The following RMND1 variants were observed in gnomAD, a reference collection of about 807,000 sequenced individuals.
RMND1 encodes required for meiotic nuclear division protein 1 homolog.
In RMND1, 41 loss-of-function variants were observed where a neutral mutation model predicts 54.0. That is an observed-to-expected ratio of 0.76 (90% CI 0.59 to 0.98). The LOEUF (loss-of-function observed/expected upper bound fraction) is 0.98. RMND1 is among the 50% of genes least tolerant of loss of function. The pLI is 0.00. For missense variants in RMND1, 457 were observed against 532.0 expected (o/e 0.86, Z 1.39); for synonymous variants, 183 against 181.7 (o/e 1.01, Z -0.06).
intron 2 of RMND1, among the ~76,000 whole-genome samples, chr6:151,438,813 A>G (rs373545798): frequency 8.9e-4 from 131 of 147,714 alleles, no homozygotes; most frequent in African/African-American, 3.2e-3. Context: ...TTTTTTTCCA[A>G]AAAAAACCCA....
At chr6:151,423,446 A>G in intron 7 of RMND1, 79 bp downstream of exon 7, 2 of 891,504 alleles carry the variant, frequency 2.2e-6, no homozygotes, top group Non-Finnish European at 3.7e-6. Flanking sequence ...CTGAAAATAT[A>G]CCAAAATCGT....
chr6:151,427,525 G>C lies in RMND1; in HGVS notation c.787C>G (p.Leu263Val). Residue 263 changes from leucine (L) to valine (V), a missense_variant, in exon 6 of 12, where the codon CTG (leucine) becomes GTG (valine). By Grantham distance (32) the Leu-to-Val change is conservative. Coordinates refer to ENST00000444024, the MANE Select transcript of RMND1 (RefSeq NM_017909.4). Reference sequence around the variant, plus strand: ...AGTTCTTCATTTTCCCAGTGTACCAGTGCGATTTCATAGGGCTGAATTTCA... The same window carrying C: ...AGTTCTTCATTTTCCCAGTGTACCACTGCGATTTCATAGGGCTGAATTTCA... ...KHEIQPYEIA[L>V]VHWENEELNY... 6.2e-7 allele frequency: 1 copy of C among 1,612,612 alleles called. No individual in the cohort carries two copies. The highest frequency in any genetic ancestry group is 8.5e-7 in the Non-Finnish European group (1 of 1,178,902).
chr6:151,434,301 A>C (rs1208985317), intron 3 of RMND1, among the ~76,000 whole-genome samples: 2 of 151,334 alleles, frequency 1.3e-5, no homozygotes, highest in Admixed American at 6.6e-5. Context: ...TAATTTGCAA[A>C]AGGTTGTATG....
chr6:151,417,320 C>G lies in RMND1; in HGVS notation c.1159G>C (p.Asp387His), dbSNP rs372096369. 4.9e-5 allele frequency: 79 copies of G among 1,613,628 alleles called. No individual in the cohort carries two copies. The highest frequency in any genetic ancestry group is 6.1e-5 in the Non-Finnish European group (72 of 1,179,888). Residue 387 changes from aspartate to histidine, a missense_variant, in exon 10 of 12, where the codon GAT (aspartate) becomes CAT (histidine). By Grantham distance (81) the Asp-to-His change is moderately conservative. Coordinates refer to ENST00000444024, the MANE Select transcript of RMND1 (RefSeq NM_017909.4). Reference sequence around the variant, plus strand: ...ATGCTAAGGAATTGACACGTTTTATCGTAAAGTCCTTCCAGGTTTTCTCTG... The same window carrying G: ...ATGCTAAGGAATTGACACGTTTTATGGTAAAGTCCTTCCAGGTTTTCTCTG... ...WDRENLEGLYDKTCQFLSIGR... is the reference protein window; with the variant it reads ...WDRENLEGLYHKTCQFLSIGR...
intron 10 of RMND1, among the ~76,000 whole-genome samples, chr6:151,412,808 A>T (rs1463721642): frequency 6.6e-6 from 1 of 152,124 alleles, no homozygotes; most frequent in Non-Finnish European, 1.5e-5. Flanking sequence ...TGCAGGTGCT[A>T]CACACTTTTA....
chr6:151,419,955 T>C (rs1780111499), intron 9 of RMND1, among the ~76,000 whole-genome samples: 1 of 147,918 alleles, frequency 6.8e-6, no homozygotes, highest in Non-Finnish European at 1.5e-5. Flanking sequence ...AATGGGATCA[T>C]ACCCTATATA....
chr6:151,420,293 G>A (rs1470883843), intron 9 of RMND1, among the ~76,000 whole-genome samples: 2 of 152,070 alleles, frequency 1.3e-5, no homozygotes, highest in Non-Finnish European at 2.9e-5. Context: ...AGTTTTGTTG[G>A]TACCCTGAAC....
intron 1 of RMND1, among the ~76,000 whole-genome samples, chr6:151,447,141 C>T (rs943444634): frequency 6.6e-6 from 1 of 152,020 alleles, no homozygotes; most frequent in Non-Finnish European, 1.5e-5. Flanking sequence ...TTAAACACCC[C>T]AGGCATGGAG....
chr6:151,422,577 C>A lies in RMND1; in HGVS notation c.966G>T (p.Leu322=). The A allele has an allele frequency of 6.5e-7, 1 of 1,538,506 alleles. No individual in the cohort carries two copies. The change falls in exon 8 of 12, where the codon CTG becomes CTT. Residue 322 remains leucine (L), a synonymous_variant. Transcript: ENST00000444024. ...ACTGAATAGATTCAATAAATTTATC[C>A]AGTGATGCTTCCCAAATTGCCAGTT... ...SVKLAIWEAS[L]DKFIESIQSI... is the part of the protein sequence containing the mutation.
intron 4 of RMND1, among the ~76,000 whole-genome samples, chr6:151,432,861 A>T (rs1351521090): frequency 6.6e-6 from 1 of 152,134 alleles, no homozygotes; most frequent in East Asian, 1.9e-4. Flanking sequence ...GATGAATGGG[A>T]AATTGGCTGC....
At chr6:151,410,266 A>G (rs575694541) in intron 10 of RMND1, among the ~76,000 whole-genome samples, 5 of 152,080 alleles carry the variant, frequency 3.3e-5, no homozygotes, top group Non-Finnish European at 5.9e-5. Context: ...CATGTTAGCC[A>G]GGATGGTCTG....
intron 2 of RMND1, among the ~76,000 whole-genome samples, chr6:151,442,580 C>G (rs866566922): frequency 6.6e-6 from 1 of 152,048 alleles, no homozygotes; most frequent in African/African-American, 2.4e-5. Context: ...CCAGGCTGGA[C>G]GGAGCGAGGT....
intron 10 of RMND1, among the ~76,000 whole-genome samples, chr6:151,407,906 G>A (rs1012618334): frequency 2.6e-5 from 4 of 151,824 alleles, no homozygotes; most frequent in East Asian, 1.9e-4. Flanking sequence ...GCGAGACTCC[G>A]TCACACACAC....
Position 151,421,201 on chromosome 6 carries a change from T to C in RMND1, c.1079+44A>G, listed in dbSNP as rs768287184. ...GAACTATGGGAATGTTTTCTTGAGA[T>C]TGTTAAATATATGAAATATTTTATT... On this transcript the variant is annotated intron_variant, in intron 9 of 11. Transcript: ENST00000444024. The C allele has an allele frequency of 5.2e-6, 7 of 1,348,842 alleles. No homozygotes were observed. In the African/African-American group the frequency reaches 8.8e-5, roughly 17 times the overall value. The allele number at this position is 1,348,842 out of a possible 1,614,324, so 83.6% of individuals were successfully genotyped here.
At chr6:151,413,520 G>A (rs895759351) in intron 10 of RMND1, among the ~76,000 whole-genome samples, 3 of 152,206 alleles carry the variant, frequency 2.0e-5, no homozygotes, top group Admixed American at 1.3e-4. Flanking sequence ...GGTAACAGGC[G>A]TGAGCCACCG....
chr6:151,408,851 C>T (rs1235640907), intron 10 of RMND1: 1 of 152,220 alleles, frequency 6.6e-6, no homozygotes, highest in African/African-American at 2.4e-5. Context: ...CACTCGCAGT[C>T]TCCAAAGAGG....
At chr6:151,441,170 A>T (rs73783017) in intron 2 of RMND1, among the ~76,000 whole-genome samples, 5 of 152,260 alleles carry the variant, frequency 3.3e-5, no homozygotes, top group Admixed American at 1.3e-4. Context: ...TTGTTTTAGG[A>T]GCATCGCATG....
intron 6 of RMND1, among the ~76,000 whole-genome samples, chr6:151,425,946 C>CTTTTTTT (rs67910450): frequency 1.5e-5 from 2 of 137,712 alleles, no homozygotes; most frequent in East Asian, 2.1e-4. Context: ...GCTTTTAACG[C>CTTTTTTT]TTTTTTTTTT....
intron 1 of RMND1, among the ~76,000 whole-genome samples, chr6:151,446,531 G>A (rs1780959047): frequency 6.6e-6 from 1 of 152,094 alleles, no homozygotes; most frequent in African/African-American, 2.4e-5. Flanking sequence ...AGGCATGTCA[G>A]ATACACACAT....
Sources: gnomAD v4.1 joint callset for allele counts (sites outside exome capture counted in the v4.1 genomes callset) on GRCh38, gnomAD v4.1.1 for gene constraint, MANE v1.5 for transcripts, NCBI Gene and HGNC (gene_info 2026-07-23, HGNC 2026-07-21) for gene names.